Variants in COL4A3 observed in about 807,000 individuals in gnomAD.
COL4A3 encodes collagen type IV alpha 3 chain.
A neutral mutation model predicts 217.4 loss-of-function variants in COL4A3; 135 were observed. The ratio of observed to expected loss-of-function variants is 0.62; its 90% confidence interval spans 0.54 to 0.72. The LOEUF (loss-of-function observed/expected upper bound fraction) is 0.72, where lower values mean the gene tolerates loss of function less well. COL4A3 is among the 30% of genes least tolerant of loss of function. The pLI is 0.00. For synonymous variants in COL4A3, 690 were observed against 736.3 expected (o/e 0.94, Z 1.02); for missense variants, 1,868 against 2,119.9 (o/e 0.88, Z 2.33).
At position 227,310,756 on chromosome 2, in the gene COL4A3, G is replaced by A; in HGVS notation, c.4756-20G>A. ...CCCCAATGGACAGAGTGTTTATTCA[G>A]ATTTTTAAAATTGTGGTAGTTCACA... On this transcript the variant is annotated intron_variant, in intron 50 of 51. Transcript: ENST00000396578. The A allele has an allele frequency of 6.2e-7, 1 of 1,611,982 alleles. No individual in the cohort carries two copies. The highest frequency in any genetic ancestry group is 8.5e-7 in the Non-Finnish European group (1 of 1,178,160).
chr2:227,241,338 T>A (rs2069008567), intron 3 of COL4A3, among the ~76,000 whole-genome samples: 1 of 152,210 alleles, frequency 6.6e-6, no homozygotes, highest in Non-Finnish European at 1.5e-5. Context: ...ATGATTATAA[T>A]TGATCTATAC....
In COL4A3 at chr2:227,296,910, G is replaced by C. The variant is rs914509573; in HGVS notation, c.3566-764G>C. Reference sequence around the variant, plus strand: ...ATCTTCCGTTTTCATGCCATTTACTGCTGCTAGAATAACACAGAGATGGGA... The same window carrying C: ...ATCTTCCGTTTTCATGCCATTTACTCCTGCTAGAATAACACAGAGATGGGA... On this transcript the variant is annotated intron_variant, in intron 41 of 51. Coordinates refer to ENST00000396578, the MANE Select transcript of COL4A3 (RefSeq NM_000091.5). 1.4e-4 allele frequency among the ~76,000 whole-genome samples: 22 copies of C among 152,110 alleles called. 1 individual carries two copies. Among genetic ancestry groups the C allele is most frequent in the African/African-American group, 5.3e-4 (22 of 41,396 alleles).
intron 1 of COL4A3, among the ~76,000 whole-genome samples, chr2:227,182,812 T>C (rs1308001171): frequency 6.6e-6 from 1 of 152,222 alleles, no homozygotes; most frequent in Non-Finnish European, 1.5e-5. Context: ...CAAACCCCTC[T>C]TGAGCTATCA....
chr2:227,231,135 G>C (rs1227295766), intron 1 of COL4A3, among the ~76,000 whole-genome samples: 1 of 152,144 alleles, frequency 6.6e-6, no homozygotes, highest in Non-Finnish European at 1.5e-5. Context: ...CATGCAAGTA[G>C]ATGATATGGC....
intron 34 of COL4A3, 112 bp downstream of exon 34, chr2:227,284,457 G>T (rs2106176258): frequency 1.6e-6 from 2 of 1,231,038 alleles, no homozygotes; most frequent in East Asian, 5.0e-5. Flanking sequence ...CCAGTGTTTA[G>T]TTACCTGCCC....
chr2:227,191,468 A>G lies in COL4A3; in HGVS notation c.87+26655A>G, dbSNP rs1320278250. Reference sequence around the variant, plus strand: ...CAAAATCACTCTTTACCAGCCACATACAAATGTTGAATGGCTCCATCCACG... The same window carrying G: ...CAAAATCACTCTTTACCAGCCACATGCAAATGTTGAATGGCTCCATCCACG... On this transcript the variant is annotated intron_variant, in intron 1 of 51. Coordinates refer to ENST00000396578, the MANE Select transcript of COL4A3 (RefSeq NM_000091.5). This position sits in a 1 kb window ranked among gnomAD's most constrained non-coding sequence, Gnocchi z 6.8. Among the ~76,000 whole-genome samples, 2 of 152,200 alleles carry G rather than the reference A, an allele frequency of 1.3e-5. No individual in the cohort carries two copies. The highest frequency in any genetic ancestry group is 2.9e-5 in the Non-Finnish European group (2 of 68,038).
intron 44 of COL4A3, 69 bp from the exon 45 acceptor site, chr2:227,303,790 C>A: frequency 6.9e-7 from 1 of 1,453,076 alleles, no homozygotes; most frequent in Non-Finnish European, 9.7e-7. Flanking sequence ...TAGAGTCAAT[C>A]ATCAACCTGA....
At chr2:227,311,016 C>T in intron 51 of COL4A3, 68 bp downstream of exon 51, 1 of 1,567,644 alleles carries the variant, frequency 6.4e-7, no homozygotes. Context: ...TGCCTGTGTT[C>T]TTGGGTCAAC....
At chr2:227,172,934 T>C (rs2065544191) in intron 1 of COL4A3, among the ~76,000 whole-genome samples, 1 of 152,146 alleles carries the variant, frequency 6.6e-6, no homozygotes, top group Non-Finnish European at 1.5e-5. Flanking sequence ...GACCCCACCC[T>C]CGTGACCTCA....
chr2:227,186,185 T>C (rs2066026240), intron 1 of COL4A3, among the ~76,000 whole-genome samples: 1 of 152,212 alleles, frequency 6.6e-6, no homozygotes, highest in South Asian at 2.1e-4. Flanking sequence ...GTTTGATTTT[T>C]CGTATACTTT....
intron 43 of COL4A3, among the ~76,000 whole-genome samples, chr2:227,302,263 C>A (rs1313836607): frequency 6.6e-6 from 1 of 152,204 alleles, no homozygotes; most frequent in Non-Finnish European, 1.5e-5. Context: ...GACATTACTT[C>A]TCCTACCATC....
intron 1 of COL4A3, among the ~76,000 whole-genome samples, chr2:227,170,764 A>G (rs1046038623): frequency 6.6e-6 from 1 of 152,170 alleles, no homozygotes; most frequent in African/African-American, 2.4e-5. Flanking sequence ...TTAACATTTT[A>G]TTAAGTATGA....
At chr2:227,200,267 T>C (rs6726578) in intron 1 of COL4A3, among the ~76,000 whole-genome samples, 21,649 of 151,926 alleles carry the variant, frequency 0.14, 1,698 homozygotes, top group Non-Finnish European at 0.16. Flanking sequence ...TCTACACTGA[T>C]TTTCCATTAG....
chr2:227,249,231 T>TATATATATATATATATATATATA (rs71036175), intron 9 of COL4A3, among the ~76,000 whole-genome samples: 5 of 19,482 alleles, frequency 2.6e-4, no homozygotes, highest in East Asian at 2.2e-3. Context: ...TATATATATA[T>TATATATATATATATATATATATA]TTTTTTTTTT....
intron 28 of COL4A3, 75 bp from the exon 29 acceptor site, chr2:227,279,718 A>G: frequency 1.0e-6 from 1 of 993,546 alleles, no homozygotes. Context: ...GCTGGTTGAG[A>G]GATAAGAGAG....
At chr2:227,187,260 G>A (rs1339541463) in intron 1 of COL4A3, among the ~76,000 whole-genome samples, 1 of 152,200 alleles carries the variant, frequency 6.6e-6, no homozygotes, top group African/African-American at 2.4e-5. Context: ...TTGCTGGACT[G>A]GGTCTTCTGC....
Position 227,259,890 on chromosome 2 carries a change from T to C in COL4A3, c.1114+13T>C. 1 of 1,598,646 alleles carries C rather than the reference T, an allele frequency of 6.3e-7. No homozygotes were observed. Among genetic ancestry groups the C allele is most frequent in the South Asian group, 1.1e-5 (1 of 90,770 alleles). On this transcript the variant is annotated intron_variant, in intron 19 of 51. Coordinates refer to ENST00000396578, the MANE Select transcript of COL4A3 (RefSeq NM_000091.5). ...CGTGGCCCACAAGGTAAGAATAAATTTCTTCCTAAAGCATTTGCTGAACAT... is the reference window on the plus strand; with the variant it reads ...CGTGGCCCACAAGGTAAGAATAAATCTCTTCCTAAAGCATTTGCTGAACAT...
Position 227,312,055 on chromosome 2 carries a change from C to A in COL4A3, c.*185C>A. 1 of 1,074,768 alleles carries A rather than the reference C, an allele frequency of 9.3e-7. No individual in the cohort carries two copies. The highest frequency in any genetic ancestry group is 1.3e-6 in the Non-Finnish European group (1 of 749,834). The allele number at this position is 1,074,768 out of a possible 1,614,324, so 66.6% of individuals were successfully genotyped here. A position where few individuals can be genotyped will look rare whatever the true frequency, so the allele number is the denominator to read the frequency against. ...TTCAAGTCAGTTCTGTGATCTGGGT[C>A]TCTAATCTGTGCTGTTTCAAAGTTC... On this transcript the variant is annotated 3_prime_UTR_variant, in exon 52 of 52. Transcript: ENST00000396578.
chr2:227,222,928 G>A (rs928895863), intron 1 of COL4A3, among the ~76,000 whole-genome samples: 1 of 152,212 alleles, frequency 6.6e-6, no homozygotes, highest in Non-Finnish European at 1.5e-5. Context: ...AGCACTGATG[G>A]CCAGGTCTAA....
Sources: gnomAD v4.1 joint callset for allele counts (sites outside exome capture counted in the v4.1 genomes callset) on GRCh38, gnomAD v4.1.1 for gene constraint, Gnocchi (gnomAD v3.1) non-coding constraint, MANE v1.5 for transcripts, NCBI Gene and HGNC (gene_info 2026-07-23, HGNC 2026-07-21) for gene names.